Variants in SLC25A21 observed in about 807,000 individuals in gnomAD.
SLC25A21 encodes mitochondrial 2-oxodicarboxylate carrier.
SLC25A21 carries 47 observed loss-of-function variants against 43.8 expected under a neutral mutation model. The ratio of observed to expected loss-of-function variants is 1.07; its 90% CI spans 0.85 to 1.37. The LOEUF (loss-of-function observed/expected upper bound fraction) is 1.37. Ranked by LOEUF, SLC25A21 falls within the 40% of genes most tolerant of loss-of-function variation. SLC25A21 has a pLI of 0.00. For synonymous variants in SLC25A21, 131 were observed against 121.3 expected (o/e 1.08, Z -0.52); for missense variants, 352 against 350.2 (o/e 1.00, Z -0.04).
At chr14:37,162,462 C>T (rs1400197047) in intron 1 of SLC25A21, among the ~76,000 whole-genome samples, 1 of 152,114 alleles carries the variant, frequency 6.6e-6, no homozygotes, top group Non-Finnish European at 1.5e-5. Context: ...CAAACAACCC[C>T]ATCAAAAAGT....
chr14:36,684,136 T>C (rs1351076256), intron 8 of SLC25A21, among the ~76,000 whole-genome samples: 1 of 152,212 alleles, frequency 6.6e-6, no homozygotes, highest in Non-Finnish European at 1.5e-5. Context: ...GGTTTTTGCT[T>C]TCAAGACAGG....
chr14:36,940,430 G>A (rs1477467681), intron 1 of SLC25A21, among the ~76,000 whole-genome samples: 2 of 151,996 alleles, frequency 1.3e-5, no homozygotes, highest in African/African-American at 2.4e-5. Context: ...AGGAGTTTAT[G>A]GTGGGATTGA....
chr14:36,980,433 C>T (rs540638889), intron 1 of SLC25A21, among the ~76,000 whole-genome samples: 19 of 152,298 alleles, frequency 1.2e-4, no homozygotes, highest in African/African-American at 4.3e-4. Flanking sequence ...TTCTTGGAGG[C>T]TTTGTTCATT....
chr14:36,763,106 G>A (rs999964808), intron 3 of SLC25A21, among the ~76,000 whole-genome samples: 2 of 152,134 alleles, frequency 1.3e-5, no homozygotes, highest in African/African-American at 4.8e-5. Context: ...CAAAAAGTAA[G>A]AGTTGTTTTA....
At chr14:36,707,193 T>C (rs908919040) in intron 7 of SLC25A21, among the ~76,000 whole-genome samples, 1 of 152,224 alleles carries the variant, frequency 6.6e-6, no homozygotes, top group African/African-American at 2.4e-5. Context: ...TTCTAACTCA[T>C]TCTTCAGCTC....
intron 1 of SLC25A21, among the ~76,000 whole-genome samples, chr14:36,934,061 GA>G (rs558458796): frequency 6.6e-6 from 1 of 151,984 alleles, no homozygotes; most frequent in Admixed American, 6.6e-5. Flanking sequence ...TGATTAATTA[GA>G]AAAAAATATC....
chr14:36,682,968 A>G (rs1882350657), intron 9 of SLC25A21, among the ~76,000 whole-genome samples: 1 of 152,184 alleles, frequency 6.6e-6, no homozygotes, highest in Admixed American at 6.5e-5. Context: ...GTGTTTGTGT[A>G]GCAGGGTAGG....
At chr14:37,036,022 C>T (rs1961319101) in intron 1 of SLC25A21, among the ~76,000 whole-genome samples, 1 of 152,098 alleles carries the variant, frequency 6.6e-6, no homozygotes, top group Non-Finnish European at 1.5e-5. Context: ...TTCTCTTGGA[C>T]AAATGAGTTA....
At chr14:36,716,267 G>C (rs1884129793) in intron 6 of SLC25A21, among the ~76,000 whole-genome samples, 1 of 152,104 alleles carries the variant, frequency 6.6e-6, no homozygotes. Context: ...AGTGGGGAGA[G>C]GTGGGGAGAT....
intron 1 of SLC25A21, among the ~76,000 whole-genome samples, chr14:37,026,702 GT>G (rs1327104136): frequency 6.6e-6 from 1 of 152,126 alleles, no homozygotes; most frequent in African/African-American, 2.4e-5. Context: ...TATTGTGACA[GT>G]CTAAAAAAGT....
At chr14:36,965,147 C>A (rs562881184) in intron 1 of SLC25A21, among the ~76,000 whole-genome samples, 1 of 152,186 alleles carries the variant, frequency 6.6e-6, no homozygotes, top group African/African-American at 2.4e-5. Context: ...TTAGAATCCC[C>A]AGAATTGATC....
chr14:36,835,567 C>T (rs1047773089), intron 2 of SLC25A21, among the ~76,000 whole-genome samples: 1 of 152,170 alleles, frequency 6.6e-6, no homozygotes, highest in Non-Finnish European at 1.5e-5. Context: ...GAAGTCTTAA[C>T]ACAAACGTTT....
intron 1 of SLC25A21, among the ~76,000 whole-genome samples, chr14:37,059,698 T>C (rs1961903956): frequency 6.6e-6 from 1 of 152,182 alleles, no homozygotes; most frequent in Non-Finnish European, 1.5e-5. Context: ...CAACTTCTTC[T>C]ATAATGGAAG....
chr14:36,987,549 T>C (rs936186180), intron 1 of SLC25A21, among the ~76,000 whole-genome samples: 1 of 152,214 alleles, frequency 6.6e-6, no homozygotes, highest in African/African-American at 2.4e-5. Context: ...CGTACAGTTC[T>C]GTATCATTTT....
At chr14:36,771,225 TA>T (rs1175529318) in intron 3 of SLC25A21, among the ~76,000 whole-genome samples, 4 of 152,190 alleles carry the variant, frequency 2.6e-5, no homozygotes, top group African/African-American at 9.7e-5. Context: ...CTTTAATTTG[TA>T]AACCTCAGCA....
At chr14:36,888,220 T>G (rs1317141935) in intron 1 of SLC25A21, among the ~76,000 whole-genome samples, 1 of 152,190 alleles carries the variant, frequency 6.6e-6, no homozygotes, top group African/African-American at 2.4e-5. Context: ...AGGGTCATTT[T>G]TAAAAATCTC....
intron 2 of SLC25A21, among the ~76,000 whole-genome samples, chr14:36,866,353 A>G (rs17105565): frequency 0.026 from 3,932 of 152,284 alleles, 136 homozygotes; most frequent in East Asian, 0.12. Context: ...TTCAAAACTG[A>G]AAACAAAAAT....
At chr14:37,108,720 TGTGTGTGTGTGTGTGTGTGC>T (rs1209055417) in intron 1 of SLC25A21, among the ~76,000 whole-genome samples, 2 of 146,666 alleles carry the variant, frequency 1.4e-5, no homozygotes, top group African/African-American at 5.4e-5. Context: ...TGTGTGTGTG[TGTGTGTGTGTGTGTGTGTGC>T]GTGTGTGTGT....
chr14:37,169,344 T>C (rs1031768654), intron 1 of SLC25A21, among the ~76,000 whole-genome samples: 6 of 152,120 alleles, frequency 3.9e-5, no homozygotes, highest in African/African-American at 1.4e-4. Context: ...TATTATTACC[T>C]GCCTCCCTGC....
Sources: allele counts gnomAD v4.1 joint callset (sites outside exome capture counted in the v4.1 genomes callset), GRCh38; gene constraint gnomAD v4.1.1; transcripts MANE v1.5; gene names NCBI Gene and HGNC (gene_info 2026-07-23, HGNC 2026-07-21).